The following EXTL1 variants were observed in gnomAD, a reference collection of about 807,000 sequenced individuals.
EXTL1 encodes the protein exostosin like glycosyltransferase 1.
In EXTL1, 43 loss-of-function variants were observed where a neutral mutation model predicts 64.6. The ratio of observed to expected loss-of-function variants is 0.67; its 90% CI spans 0.52 to 0.86. The LOEUF (loss-of-function observed/expected upper bound fraction) is 0.86. Ranked by LOEUF, EXTL1 falls within the 40% of genes least tolerant of loss-of-function variation. The pLI, the probability that EXTL1 is intolerant of heterozygous loss-of-function variation, is 0.00. For missense variants in EXTL1, 766 were observed against 879.0 expected (o/e 0.87, Z 1.62); for synonymous variants, 352 against 360.5 (o/e 0.98, Z 0.27).
intron 4 of EXTL1, 98 bp downstream of exon 4, chr1:26,030,693 C>A (rs1243678492): frequency 1.1e-5 from 15 of 1,365,112 alleles, no homozygotes; most frequent in Admixed American, 6.9e-5. Context: ...GGGAACCCCC[C>A]CCCCTTCCTT....
At position 26,033,675 on chromosome 1, in the gene EXTL1, C is replaced by T. The variant is rs767938580; in HGVS notation, c.1519-21C>T. On this transcript the variant is annotated intron_variant, in intron 8 of 10. Transcript: ENST00000374280. This position sits in a 1 kb window ranked among gnomAD's most constrained non-coding sequence, Gnocchi z 5.1. ...GCATTTAGGAGGTCCTTCCTCACAG[C>T]TCACTTGAGTCCCTCCCCAGGTGGA... The T allele has an allele frequency of 6.2e-7, 1 of 1,611,028 alleles. No individual in the cohort carries two copies. The highest frequency in any genetic ancestry group is 1.1e-5 in the South Asian group (1 of 90,530).
chr1:26,035,476 A>G lies in EXTL1; in HGVS notation c.*129A>G. 1 of 845,460 alleles carries G rather than the reference A, an allele frequency of 1.2e-6. No homozygotes were observed. The highest frequency in any genetic ancestry group is 1.8e-6 in the Non-Finnish European group (1 of 562,406). 52.4% of individuals were successfully genotyped at this position (845,460 alleles called of 1,614,324 possible). A position where few individuals can be genotyped will look rare whatever the true frequency, so the allele number is the denominator to read the frequency against. The stretch of plus-strand genomic sequence containing the variant: ...GTCAGCCAGCGGGCCCACACGTCGG[A>G]CCCCGGTTGGCCAATCACAACAGGG... On this transcript the variant is annotated 3_prime_UTR_variant, in exon 11 of 11. Transcript: ENST00000374280. The surrounding 1 kb of genome is among the most constrained non-coding windows in gnomAD (Gnocchi z 5.3).
rs2050315413 is a variant in EXTL1 at position 26,034,145 on chromosome 1, G to A, written c.1679+289G>A. On this transcript the variant is annotated intron_variant, in intron 9 of 10. Coordinates refer to ENST00000374280, the MANE Select transcript of EXTL1 (RefSeq NM_004455.3). The surrounding 1 kb of genome is among the most constrained non-coding windows in gnomAD (Gnocchi z 4.6). ...CTATTGTTATTTGAAGTAGAGCCAT[G>A]CAGTGAGTAAGGGCAGTGTGTGGGT... 6.6e-6 allele frequency among the ~76,000 whole-genome samples: 1 copy of A among 152,230 alleles called. No individual in the cohort carries two copies. The highest frequency in any genetic ancestry group is 2.1e-4 in the South Asian group (1 of 4,834).
intron 1 of EXTL1, among the ~76,000 whole-genome samples, chr1:26,024,593 G>T (rs1251200540): frequency 1.3e-5 from 2 of 152,124 alleles, no homozygotes; most frequent in East Asian, 3.9e-4. Flanking sequence ...ACAGCCAGGA[G>T]TAAGAATGGA....
Position 26,031,488 on chromosome 1 carries a change from C to A in EXTL1, c.1263C>A (p.Ala421=). The change falls in exon 6 of 11, where the codon GCC becomes GCA. Residue 421 remains alanine (A), a synonymous_variant. Transcript: ENST00000374280. ...CCCGCCCTGAGGGCAGATTCAGCGC[C>A]CTGATCTGGGTGGGGCCCCCAGGCC... ...QGSRPEGRFS[A]LIWVGPPGQP... is the part of the protein sequence containing the mutation. 6.3e-7 allele frequency: 1 copy of A among 1,595,406 alleles called. No individual in the cohort carries two copies. Among genetic ancestry groups the A allele is most frequent in the South Asian group, 1.1e-5 (1 of 87,948 alleles).
In EXTL1 at chr1:26,035,077, G is replaced by C; in HGVS notation, c.1848+73G>C. The C allele has an allele frequency of 6.3e-7, 1 of 1,596,562 alleles. No homozygotes were observed. Among genetic ancestry groups the C allele is most frequent in the Non-Finnish European group, 8.6e-7 (1 of 1,167,664 alleles). On this transcript the variant is annotated intron_variant, in intron 10 of 10. Coordinates refer to ENST00000374280, the MANE Select transcript of EXTL1 (RefSeq NM_004455.3). This position sits in a 1 kb window ranked among gnomAD's most constrained non-coding sequence, Gnocchi z 5.3. ...ATGCCGGAGAGGATTCCCTCTCACTGTCTAATTCCAGTCTTTCTTGCTGCA... is the reference window on the plus strand; with the variant it reads ...ATGCCGGAGAGGATTCCCTCTCACTCTCTAATTCCAGTCTTTCTTGCTGCA...
chr1:26,030,672 C>T, intron 4 of EXTL1, 77 bp downstream of exon 4: 1 of 1,480,594 alleles, frequency 6.8e-7, no homozygotes, highest in Non-Finnish European at 9.1e-7. Flanking sequence ...ACTTCTCTGC[C>T]ACAGTGTTTG....
At chr1:26,024,958 C>T (rs889212705) in intron 1 of EXTL1, among the ~76,000 whole-genome samples, 1 of 152,212 alleles carries the variant, frequency 6.6e-6, no homozygotes, top group Non-Finnish European at 1.5e-5. Flanking sequence ...ACTAATGGAT[C>T]TGAAATTGGC....
chr1:26,029,196 C>G lies in EXTL1; in HGVS notation c.783C>G (p.Thr261=), dbSNP rs1489732315. The change falls in exon 2 of 11, where the codon ACC becomes ACG. Residue 261 remains threonine (T), a synonymous_variant. Coordinates refer to ENST00000374280, the MANE Select transcript of EXTL1 (RefSeq NM_004455.3). ...RCEQDPGPGQ[T]QRQETLPNAT... Reference sequence around the variant, plus strand: ...ACCTCCCCATGTGCCTCTTTAGGACCCAGCGCCAGGAGACGCTGCCCAATG... The same window carrying G: ...ACCTCCCCATGTGCCTCTTTAGGACGCAGCGCCAGGAGACGCTGCCCAATG... 1.2e-6 allele frequency: 2 copies of G among 1,612,626 alleles called. No individual in the cohort carries two copies. The highest frequency in any genetic ancestry group is 1.7e-6 in the Non-Finnish European group (2 of 1,178,936).
rs150568245 is a variant in EXTL1, at chr1:26,023,263, C to T, written c.617C>T (p.Pro206Leu). 5.0e-4 allele frequency: 798 copies of T among 1,587,260 alleles called. 3 individuals are homozygous for T. The African/African-American group carries it at 8.5e-3, about 17-fold the overall frequency. ...CTCCCTTTTCTCCCTGAAGCCCACCCGTTGCGAGGTGGGGCTCCTGGCCAG... is the reference window on the plus strand; with the variant it reads ...CTCCCTTTTCTCCCTGAAGCCCACCTGTTGCGAGGTGGGGCTCCTGGCCAG... ...VALPFLPEAH[P>L]LRGGAPGQLR... is the part of the protein sequence containing the mutation. Residue 206 changes from proline to leucine, a missense_variant, in exon 1 of 11, where the codon CCG (proline) becomes CTG (leucine). Around this residue, in one of 3 missense-constraint regions of EXTL1, gnomAD observed 571 missense variants for 647.6 expected, o/e 0.88. Transcript: ENST00000374280.
chr1:26,035,017 G>A lies in EXTL1; in HGVS notation c.1848+13G>A. The A allele has an allele frequency of 1.2e-6, 2 of 1,613,844 alleles. No individual in the cohort carries two copies. Among genetic ancestry groups the A allele is most frequent in the Non-Finnish European group, 1.7e-6 (2 of 1,179,774 alleles). On this transcript the variant is annotated intron_variant, in intron 10 of 10. Transcript: ENST00000374280. The surrounding 1 kb of genome is among the most constrained non-coding windows in gnomAD (Gnocchi z 5.3). ...GGCTGCTCCACTGGTGAGGGCTGAGGGGGATTGGTCGGAACTGGCAGGGAT... is the reference window on the plus strand; with the variant it reads ...GGCTGCTCCACTGGTGAGGGCTGAGAGGGATTGGTCGGAACTGGCAGGGAT...
intron 1 of EXTL1, among the ~76,000 whole-genome samples, chr1:26,027,689 T>TAAAAAAAAAAAAAAAAAAAAAAGAA (rs61364586): frequency 3.5e-5 from 2 of 57,056 alleles, no homozygotes; most frequent in African/African-American, 1.3e-4. Context: ...ACCCCATCTC[T>TAAAAAAAAAAAAAAAAAAAAAAGAA]AAAAAAAAAA....
At position 26,025,996 on chromosome 1, in the gene EXTL1, A is replaced by G; in HGVS notation, c.779+2571A>G. ...ATCAGGGCTGGGCATAGTGGCTTAC[A>G]CCTGTGATCCCAGCACTTTGGGAGG... On this transcript the variant is annotated intron_variant, in intron 1 of 10. Coordinates refer to ENST00000374280, the MANE Select transcript of EXTL1 (RefSeq NM_004455.3). The surrounding 1 kb of genome is among the most constrained non-coding windows in gnomAD (Gnocchi z 5.3). 6.6e-6 allele frequency among the ~76,000 whole-genome samples: 1 copy of G among 152,050 alleles called. No individual in the cohort carries two copies. The highest frequency in any genetic ancestry group is 1.5e-5 in the Non-Finnish European group (1 of 67,988).
Position 26,023,036 on chromosome 1 carries a change from G to C in EXTL1, c.390G>C (p.Gly130=). ...GSRFYTFSPA[G]ACLLLLLSLD... is the part of the protein sequence containing the mutation. ...GCTTCTACACATTCAGCCCTGCTGGGGCCTGCCTCCTCCTCCTCCTCAGCC... is the reference window on the plus strand; with the variant it reads ...GCTTCTACACATTCAGCCCTGCTGGCGCCTGCCTCCTCCTCCTCCTCAGCC... The change falls in exon 1 of 11, where the codon GGG becomes GGC. Residue 130 remains glycine, a synonymous_variant. Transcript: ENST00000374280. 6.2e-7 allele frequency: 1 copy of C among 1,614,018 alleles called. No individual in the cohort carries two copies. The highest frequency in any genetic ancestry group is 8.5e-7 in the Non-Finnish European group (1 of 1,179,974).
At position 26,035,449 on chromosome 1, in the gene EXTL1, A is replaced by G. The variant is rs1433648578; in HGVS notation, c.*102A>G. The G allele has an allele frequency of 2.7e-6, 3 of 1,128,196 alleles. No homozygotes were observed. The highest frequency in any genetic ancestry group is 3.7e-6 in the Non-Finnish European group (3 of 809,996). The allele number at this position is 1,128,196 out of a possible 1,614,324, so 69.9% of individuals were successfully genotyped here. A position where few individuals can be genotyped will look rare whatever the true frequency, so the allele number is the denominator to read the frequency against. On this transcript the variant is annotated 3_prime_UTR_variant, in exon 11 of 11. Transcript: ENST00000374280. The surrounding 1 kb of genome is among the most constrained non-coding windows in gnomAD (Gnocchi z 5.3). ...CTCTTGGGACACCGGAGAACCTATC[A>G]TGTCAGCCAGCGGGCCCACACGTCG...
Position 26,028,818 on chromosome 1 carries a change from G to C in EXTL1, c.780-375G>C, listed in dbSNP as rs565098049. 1.9e-3 allele frequency among the ~76,000 whole-genome samples: 296 copies of C among 152,316 alleles called. 1 individual carries two copies. The highest frequency in any genetic ancestry group is 6.4e-3 in the African/African-American group (266 of 41,566). ...GCTGAAAGTCTGCCTGTGGCCGAGT[G>C]GGGGAGGGCAGACGTGCATGTCTAA... On this transcript the variant is annotated intron_variant, in intron 1 of 10. Transcript: ENST00000374280.
chr1:26,034,784 G>A lies in EXTL1; in HGVS notation c.1680-52G>A, dbSNP rs2050321650. The A allele has an allele frequency of 1.3e-6, 2 of 1,572,280 alleles. No individual in the cohort carries two copies. ...TGAGGTCAGGAGGGAGGAGAATGGG[G>A]CCTGGGGATGGATTTGGCTGCAGCC... On this transcript the variant is annotated intron_variant, in intron 9 of 10. Transcript: ENST00000374280. This position sits in a 1 kb window ranked among gnomAD's most constrained non-coding sequence, Gnocchi z 4.6.
At chr1:26,027,220 GAC>G (rs933046034) in intron 1 of EXTL1, among the ~76,000 whole-genome samples, 2 of 152,190 alleles carry the variant, frequency 1.3e-5, no homozygotes, top group African/African-American at 4.8e-5. Context: ...TCAATTGTTT[GAC>G]ACACATTGTT....
Position 26,025,809 on chromosome 1 carries a change from G to A in EXTL1, c.779+2384G>A, listed in dbSNP as rs80255053. ...ACGTGTCTTTTCTGAGAAACTCTGCGTGTGTACAAGCAATATGTATATTCT... is the reference window on the plus strand; with the variant it reads ...ACGTGTCTTTTCTGAGAAACTCTGCATGTGTACAAGCAATATGTATATTCT... On this transcript the variant is annotated intron_variant, in intron 1 of 10. Transcript: ENST00000374280. The surrounding 1 kb of genome is among the most constrained non-coding windows in gnomAD (Gnocchi z 5.3). Among the ~76,000 whole-genome samples the A allele has an allele frequency of 6.9e-4, 105 of 152,208 alleles. 1 individual carries two copies. Among genetic ancestry groups the A allele is most frequent in the East Asian group, 5.4e-3 (28 of 5,186 alleles).
Sources: gnomAD v4.1 joint callset for allele counts (sites outside exome capture counted in the v4.1 genomes callset) on GRCh38, gnomAD v4.1.1 for gene constraint, gnomAD v4.1.1 regional missense constraint, Gnocchi (gnomAD v3.1) non-coding constraint, MANE v1.5 for transcripts, NCBI Gene and HGNC (gene_info 2026-07-23, HGNC 2026-07-21) for gene names.